RPS6KC1: variants seen among roughly 807,000 people sequenced by gnomAD.
The protein encoded by RPS6KC1 is ribosomal protein S6 kinase C1.
RPS6KC1 carries 54 observed loss-of-function variants against 103.8 expected under a neutral mutation model. That is an observed-to-expected ratio of 0.52 (90% CI 0.42 to 0.65). The LOEUF (loss-of-function observed/expected upper bound fraction) is 0.65, where lower values mean the gene tolerates loss of function less well. Among genes scored for constraint, RPS6KC1 ranks in the 30% least tolerant of loss-of-function variants. The probability of loss-of-function intolerance (pLI) is 0.00; values close to 1 mark genes in which losing one functional copy is unlikely to be tolerated. For synonymous variants in RPS6KC1, 439 were observed against 438.7 expected, an observed-to-expected ratio of 1.00 and a Z score of -0.01; for missense variants, 1,151 against 1,253.8, an observed-to-expected ratio of 0.92 and a Z score of 1.24.
At chr1:213,299,343 G>C in the RPS6KC1 span, among the ~76,000 whole-genome samples, 1 of 152,142 alleles carries the variant, frequency 6.6e-6, no homozygotes, top group Admixed American at 6.5e-5. Flanking sequence ...TCTGAGGTCA[G>C]GAGTTCAAGA....
At chr1:213,570,046 C>T in the RPS6KC1 span, among the ~76,000 whole-genome samples, 1 of 152,108 alleles carries the variant, frequency 6.6e-6, no homozygotes, top group Non-Finnish European at 1.5e-5. Context: ...TACAGTTTTG[C>T]TTAGGAGGGC....
At chr1:213,644,177 A>T in the RPS6KC1 span, among the ~76,000 whole-genome samples, 1 of 152,096 alleles carries the variant, frequency 6.6e-6, no homozygotes, top group African/African-American at 2.4e-5. Context: ...AAGTATATAC[A>T]AGCAAACCCA....
chr1:213,798,132 G>T, the RPS6KC1 span, among the ~76,000 whole-genome samples: 2 of 152,196 alleles, frequency 1.3e-5, no homozygotes, highest in Non-Finnish European at 2.9e-5. Flanking sequence ...CAGGCTCCCA[G>T]TGCCTATCAG....
the RPS6KC1 span, among the ~76,000 whole-genome samples, chr1:213,624,002 T>A: frequency 6.6e-6 from 1 of 152,144 alleles, no homozygotes; most frequent in Non-Finnish European, 1.5e-5. Flanking sequence ...CAGCATTGTG[T>A]GTGGAGGGGC....
chr1:213,540,100 T>A, the RPS6KC1 span, among the ~76,000 whole-genome samples: 1 of 151,870 alleles, frequency 6.6e-6, no homozygotes, highest in Non-Finnish European at 1.5e-5. Flanking sequence ...AAGGTTGGGG[T>A]GGCTGTGGCA....
At chr1:213,455,227 TGGAG>T in the RPS6KC1 span, among the ~76,000 whole-genome samples, 2 of 151,766 alleles carry the variant, frequency 1.3e-5, no homozygotes, top group African/African-American at 4.8e-5. Context: ...TGCAAGGAGG[TGGAG>T]GGAGAGTGTT....
chr1:213,661,320 A>G, the RPS6KC1 span, among the ~76,000 whole-genome samples: 4 of 152,200 alleles, frequency 2.6e-5, no homozygotes, highest in African/African-American at 9.7e-5. Flanking sequence ...GAGAGAAGGT[A>G]AAAACAACAC....
the RPS6KC1 span, among the ~76,000 whole-genome samples, chr1:213,811,506 A>G: frequency 6.6e-6 from 1 of 152,232 alleles, no homozygotes; most frequent in Non-Finnish European, 1.5e-5. Flanking sequence ...AATGTGGCAA[A>G]GATCTTAGAA....
At chr1:213,258,568 G>A (rs2094706035) in intron 12 of RPS6KC1, among the ~76,000 whole-genome samples, 2 of 152,152 alleles carry the variant, frequency 1.3e-5, no homozygotes, top group South Asian at 4.1e-4. Flanking sequence ...ATGTGTGTTG[G>A]TTGAATGAAT....
chr1:213,852,267 C>G, the RPS6KC1 span, among the ~76,000 whole-genome samples: 1 of 152,232 alleles, frequency 6.6e-6, no homozygotes, highest in African/African-American at 2.4e-5. Context: ...CTGCTCTAGA[C>G]CTTTCCCTTG....
chr1:213,634,640 A>G, the RPS6KC1 span, among the ~76,000 whole-genome samples: 3 of 152,218 alleles, frequency 2.0e-5, no homozygotes, highest in East Asian at 5.8e-4. Flanking sequence ...AAGATCTAAA[A>G]TCAACACCCT....
chr1:213,599,971 TC>T, the RPS6KC1 span, among the ~76,000 whole-genome samples: 1 of 152,136 alleles, frequency 6.6e-6, no homozygotes, highest in Non-Finnish European at 1.5e-5. Context: ...GGACCTGTAA[TC>T]CCCATGTGTA....
intron 4 of RPS6KC1, among the ~76,000 whole-genome samples, chr1:213,115,006 A>G (rs1156677332): frequency 1.3e-5 from 2 of 152,124 alleles, no homozygotes; most frequent in East Asian, 3.8e-4. Context: ...ATATTGGTCT[A>G]AAATTCTCTT....
chr1:213,453,626 C>T, the RPS6KC1 span, among the ~76,000 whole-genome samples: 10 of 152,048 alleles, frequency 6.6e-5, no homozygotes, highest in Middle Eastern at 3.2e-3. Context: ...CAGTCAGAGG[C>T]CGGAGGTTCA....
At chr1:213,834,681 G>A in the RPS6KC1 span, among the ~76,000 whole-genome samples, 1 of 151,066 alleles carries the variant, frequency 6.6e-6, no homozygotes, top group African/African-American at 2.4e-5. Context: ...CCTCCATAGA[G>A]CCCTTCTCAA....
the RPS6KC1 span, among the ~76,000 whole-genome samples, chr1:213,506,100 C>A: frequency 9.6e-4 from 146 of 152,302 alleles, no homozygotes; most frequent in African/African-American, 3.2e-3. Context: ...GGGGTAAATT[C>A]TCTCAGAAGG....
At chr1:213,280,963 AG>A in the RPS6KC1 span, among the ~76,000 whole-genome samples, 1 of 152,154 alleles carries the variant, frequency 6.6e-6, no homozygotes, top group Non-Finnish European at 1.5e-5. Flanking sequence ...TTGATAGAAC[AG>A]GCTTTGCACT....
intron 7 of RPS6KC1, among the ~76,000 whole-genome samples, chr1:213,169,097 A>T (rs746690910): frequency 6.6e-6 from 1 of 152,180 alleles, no homozygotes; most frequent in African/African-American, 2.4e-5. Context: ...ACACATATAC[A>T]CATAAATCAA....
the RPS6KC1 span, among the ~76,000 whole-genome samples, chr1:213,798,265 T>C: frequency 6.6e-6 from 1 of 152,188 alleles, no homozygotes; most frequent in East Asian, 1.9e-4. Context: ...CAGAGATTCT[T>C]AGCAGCAGAG....
Sources: gnomAD v4.1 joint callset for allele counts (sites outside exome capture counted in the v4.1 genomes callset) on GRCh38, gnomAD v4.1.1 for gene constraint, MANE v1.5 for transcripts, NCBI Gene and HGNC (gene_info 2026-07-23, HGNC 2026-07-21) for gene names.